Variants in TATDN2 observed in about 807,000 individuals in gnomAD.
TATDN2 encodes the protein TatD DNase domain containing 2, also known as 3'-5' RNA nuclease TATDN2.
Under a neutral mutation model 60.3 loss-of-function variants are expected in TATDN2, and 44 were observed. The ratio of observed to expected loss-of-function variants is 0.73; its 90% CI spans 0.57 to 0.94. TATDN2 has a LOEUF of 0.94. TATDN2 is among the 40% of genes least tolerant of loss of function. The pLI is 0.00. For synonymous variants in TATDN2, 399 were observed against 355.8 expected (o/e 1.12, Z -1.37); for missense variants, 997 against 948.0 (o/e 1.05, Z -0.68).
intron 3 of TATDN2, among the ~76,000 whole-genome samples, chr3:10,262,590 C>T (rs548472512): frequency 1.1e-3 from 137 of 125,444 alleles, no homozygotes; most frequent in African/African-American, 4.3e-3. Context: ...GGCTGGAGTG[C>T]ACTGGTGTGA....
chr3:10,280,918 C>G lies in TATDN2; in HGVS notation c.*1736C>G, dbSNP rs1698727625. ...CAGTAGTGCCTGCAGGTGAAACCAA[C>G]CAGCCCTGTGTTAGAGGAGGAAAAG... On this transcript the variant is annotated 3_prime_UTR_variant, in exon 8 of 8. Coordinates refer to ENST00000448281, the MANE Select transcript of TATDN2 (RefSeq NM_014760.4). 1 of 152,622 alleles carries G rather than the reference C, an allele frequency of 6.6e-6. No homozygotes were observed. Among genetic ancestry groups the G allele is most frequent in the Non-Finnish European group, 1.5e-5 (1 of 68,096 alleles). The allele number at this position is 152,622 out of a possible 1,614,324, so 9.5% of individuals were successfully genotyped here.
chr3:10,267,960 G>A (rs1271869257), intron 3 of TATDN2, among the ~76,000 whole-genome samples: 1 of 152,150 alleles, frequency 6.6e-6, no homozygotes, highest in African/African-American at 2.4e-5. Context: ...TTTATTGTCT[G>A]GGTTGATGGA....
intron 2 of TATDN2, among the ~76,000 whole-genome samples, chr3:10,258,249 A>G (rs575060344): frequency 6.6e-6 from 1 of 151,860 alleles, no homozygotes; most frequent in South Asian, 2.1e-4. Flanking sequence ...AAATGATACA[A>G]GAAGCTTATA....
rs1698306351 is a variant in TATDN2, at chr3:10,256,235, A to G, written c.415-3902A>G. ...TCTCCACAGGCTGGAGTGCAGTGGC[A>G]CAAGCTCGGCTTACTGTGACCTTGA... On this transcript the variant is annotated intron_variant, in intron 2 of 7. Transcript: ENST00000448281. 4.6e-5 allele frequency among the ~76,000 whole-genome samples: 7 copies of G among 151,990 alleles called. No homozygotes were observed. In the South Asian group the frequency reaches 1.5e-3, roughly 32 times the overall value.
intron 2 of TATDN2, among the ~76,000 whole-genome samples, chr3:10,252,693 C>T (rs1559458766): frequency 3.4e-5 from 5 of 147,088 alleles, no homozygotes. Flanking sequence ...GCTCTGTAAA[C>T]TTTTTTTTTT....
At chr3:10,255,012 A>ACTCCCC (rs138010769) in intron 2 of TATDN2, among the ~76,000 whole-genome samples, 14,066 of 38,606 alleles carry the variant, frequency 0.36, 1,947 homozygotes, top group East Asian at 0.81. Context: ...CCCACTTCCC[A>ACTCCCC]CTCCCCCTCC....
intron 3 of TATDN2, among the ~76,000 whole-genome samples, chr3:10,263,174 C>T (rs1698431846): frequency 6.6e-6 from 1 of 151,610 alleles, no homozygotes; most frequent in Non-Finnish European, 1.5e-5. Flanking sequence ...GCTGGGATTA[C>T]AGGTGTGAGC....
At chr3:10,265,739 G>A (rs1698468220) in intron 3 of TATDN2, among the ~76,000 whole-genome samples, 1 of 151,248 alleles carries the variant, frequency 6.6e-6, no homozygotes, top group Non-Finnish European at 1.5e-5. Flanking sequence ...GCAGTGGCAT[G>A]GTCATAGCTC....
At position 10,257,654 on chromosome 3, in the gene TATDN2, A is replaced by G. The variant is rs546557647; in HGVS notation, c.415-2483A>G. Among the ~76,000 whole-genome samples the G allele has an allele frequency of 4.0e-5, 6 of 150,890 alleles. 1 individual carries two copies. The highest frequency in any genetic ancestry group is 1.5e-4 in the African/African-American group (6 of 41,370). On this transcript the variant is annotated intron_variant, in intron 2 of 7. Transcript: ENST00000448281. ...AATGACCCGTAACCTCCTTTAACAA[A>G]TAATCTCTGTAGACACGTTAGAAAA...
rs563260179 is a variant in TATDN2, at chr3:10,278,752, C to T, written c.2146-133C>T. 1.5e-6 allele frequency: 2 copies of T among 1,353,830 alleles called. No individual in the cohort carries two copies. Among genetic ancestry groups the T allele is most frequent in the Non-Finnish European group, 2.1e-6 (2 of 971,374 alleles). The allele number at this position is 1,353,830 out of a possible 1,614,324, so 83.9% of individuals were successfully genotyped here. A position where few individuals can be genotyped will look rare whatever the true frequency, so the allele number is the denominator to read the frequency against. ...GCCCCCATGACTAGGACTCTCCCTGCACCTGCAGGTAAAGGGGTCTCTACA... is the reference window on the plus strand; with the variant it reads ...GCCCCCATGACTAGGACTCTCCCTGTACCTGCAGGTAAAGGGGTCTCTACA... On this transcript the variant is annotated intron_variant, in intron 6 of 7. Transcript: ENST00000448281. The surrounding 1 kb of genome is among the most constrained non-coding windows in gnomAD (Gnocchi z 4.7).
intron 4 of TATDN2, among the ~76,000 whole-genome samples, chr3:10,275,552 C>G (rs1698622913): frequency 6.6e-6 from 1 of 151,994 alleles, no homozygotes; most frequent in South Asian, 2.1e-4. Context: ...TGAGACCAGC[C>G]TGACCAACAT....
chr3:10,259,343 A>G (rs1308135957), intron 2 of TATDN2, among the ~76,000 whole-genome samples: 2 of 152,218 alleles, frequency 1.3e-5, no homozygotes, highest in Admixed American at 1.3e-4. Flanking sequence ...TAGGAATGCA[A>G]ATGGGATAAT....
chr3:10,271,201 T>A (rs1698558877), intron 4 of TATDN2, among the ~76,000 whole-genome samples, 186 bp downstream of exon 4: 2 of 152,370 alleles, frequency 1.3e-5, no homozygotes, highest in South Asian at 4.1e-4. Context: ...TTTCTTACTG[T>A]TCAGCTTTAT....
intron 2 of TATDN2, among the ~76,000 whole-genome samples, chr3:10,259,769 G>A (rs1166067750): frequency 2.0e-5 from 3 of 152,142 alleles, no homozygotes; most frequent in Non-Finnish European, 4.4e-5. Flanking sequence ...CTTAGATATG[G>A]GATTGGGCTA....
intron 2 of TATDN2, among the ~76,000 whole-genome samples, chr3:10,258,104 A>G (rs771917880): frequency 4.0e-5 from 6 of 151,496 alleles, no homozygotes; most frequent in African/African-American, 9.7e-5. Flanking sequence ...TCGGCCTCCC[A>G]AAGTGCTGGG....
chr3:10,275,470 G>C lies in TATDN2; in HGVS notation c.1834-891G>C, dbSNP rs182631047. 9.3e-4 allele frequency among the ~76,000 whole-genome samples: 142 copies of C among 152,300 alleles called. 1 individual carries two copies. Among genetic ancestry groups the C allele is most frequent in the African/African-American group, 3.1e-3 (130 of 41,584 alleles). ...ATTGAGTAAAGGAAGCAAATTGGCC[G>C]GGCATGGCGGCTCATGCCTGTAATC... On this transcript the variant is annotated intron_variant, in intron 4 of 7. Transcript: ENST00000448281.
At chr3:10,253,091 T>G (rs1698255608) in intron 2 of TATDN2, among the ~76,000 whole-genome samples, 1 of 152,090 alleles carries the variant, frequency 6.6e-6, no homozygotes, top group Non-Finnish European at 1.5e-5. Context: ...TCTCTTGACC[T>G]CGTGATCCGC....
At chr3:10,261,881 G>A (rs1698410245) in intron 3 of TATDN2, among the ~76,000 whole-genome samples, 1 of 152,168 alleles carries the variant, frequency 6.6e-6, no homozygotes, top group South Asian at 2.1e-4. Context: ...CACACCCAGG[G>A]ACACATTAGC....
chr3:10,248,474 G>C lies in TATDN2; in HGVS notation c.-600G>C, dbSNP rs1698163110. 1 of 152,120 alleles carries C rather than the reference G, an allele frequency of 6.6e-6. No homozygotes were observed. The highest frequency in any genetic ancestry group is 2.1e-4 in the South Asian group (1 of 4,836). The allele number at this position is 152,120 out of a possible 1,614,324, so 9.4% of individuals were successfully genotyped here. A position where few individuals can be genotyped will look rare whatever the true frequency, so the allele number is the denominator to read the frequency against. ...CCCCGCCCCTGTCGCTCTCCGGCCT[G>C]CGGGCCGCAGGGCTCGTTCCGGAGG... On this transcript the variant is annotated 5_prime_UTR_variant, in exon 1 of 8. Transcript: ENST00000448281.
Sources: allele counts gnomAD v4.1 joint callset (sites outside exome capture counted in the v4.1 genomes callset), GRCh38; gene constraint gnomAD v4.1.1; non-coding constraint Gnocchi (gnomAD v3.1); transcripts MANE v1.5; gene names NCBI Gene and HGNC (gene_info 2026-07-23, HGNC 2026-07-21).